FAR1: variants seen among roughly 807,000 people sequenced by gnomAD.
FAR1 encodes fatty acyl-CoA reductase 1.
FAR1 carries 22 observed loss-of-function variants against 61.1 expected under a neutral mutation model. That is an observed-to-expected ratio of 0.36 (90% CI 0.26 to 0.51). The LOEUF (loss-of-function observed/expected upper bound fraction) is 0.51. Among genes scored for constraint, FAR1 ranks in the 20% least tolerant of loss-of-function variants. The pLI, the probability that FAR1 is intolerant of heterozygous loss-of-function variation, is 0.95. For missense variants in FAR1, 359 were observed against 626.9 expected (o/e 0.57, Z 4.56); for synonymous variants, 206 against 209.7 (o/e 0.98, Z 0.15).
intron 3 of FAR1, among the ~76,000 whole-genome samples, chr11:13,706,612 T>A (rs1278638833): frequency 2.0e-5 from 3 of 152,202 alleles, no homozygotes; most frequent in Non-Finnish European, 4.4e-5. Context: ...TCTCACATAC[T>A]TTTTGTGGTG....
chr11:13,707,975 G>T lies in FAR1; in HGVS notation c.441G>T (p.Val147=). The T allele has an allele frequency of 6.2e-7, 1 of 1,609,460 alleles. No individual in the cohort carries two copies. The highest frequency in any genetic ancestry group is 8.5e-7 in the Non-Finnish European group (1 of 1,177,694). ...CACAACAAATGAAGAATCTGGAAGT[G>T]TTCATGCATGTATCAACAGCATATG... ...LLAQQMKNLE[V]FMHVSTAYAY... is the part of the protein sequence containing the mutation. The change falls in exon 4 of 12, where the codon GTG becomes GTT. Residue 147 remains valine, a synonymous_variant. Transcript: ENST00000354817.
intron 1 of FAR1, among the ~76,000 whole-genome samples, chr11:13,682,427 C>A (rs1054753325): frequency 1.3e-5 from 2 of 152,058 alleles, no homozygotes; most frequent in African/African-American, 4.8e-5. Context: ...GGAACACAGC[C>A]ACACCCATTC....
At chr11:13,671,202 T>G (rs1312918766) in intron 1 of FAR1, among the ~76,000 whole-genome samples, 1 of 151,882 alleles carries the variant, frequency 6.6e-6, no homozygotes, top group Non-Finnish European at 1.5e-5. Context: ...CTGAAAGAGG[T>G]GAGTTTTGAG....
rs1205357455 is a variant in FAR1 at position 13,714,645 on chromosome 11, T to C, written c.1092T>C (p.Tyr364=). 1.9e-6 allele frequency: 3 copies of C among 1,608,620 alleles called. No homozygotes were observed. In the East Asian group the frequency reaches 6.7e-5, roughly 36 times the overall value. The change falls in exon 9 of 12, where the codon TAT becomes TAC. Residue 364 remains tyrosine, a synonymous_variant. Transcript: ENST00000354817. ...AVSHKAPAFL[Y]DIYLRMTGRS... ...GCCATAAGGCCCCAGCATTCCTGTA[T>C]GATATCTACCTCAGGATGACTGGAA...
intron 3 of FAR1, among the ~76,000 whole-genome samples, chr11:13,707,588 A>T (rs895809233): frequency 3.3e-5 from 5 of 152,214 alleles, no homozygotes; most frequent in Non-Finnish European, 1.5e-5. Flanking sequence ...TAAGTCTAGC[A>T]TGACTTAAAA....
Position 13,721,760 on chromosome 11 carries a change from A to T in FAR1, c.1158A>T (p.Lys386Asn), listed in dbSNP as rs781428789. 1.2e-6 allele frequency: 2 copies of T among 1,611,388 alleles called. No individual in the cohort carries two copies. Among genetic ancestry groups the T allele is most frequent in the Non-Finnish European group, 1.7e-6 (2 of 1,178,664 alleles). Residue 386 changes from lysine to asparagine, a missense_variant, in exon 10 of 12, where the codon AAA becomes AAT. Lys to Asn is a moderately conservative substitution (Grantham distance 94). Around this residue, in one of 2 missense-constraint regions of FAR1, gnomAD observed 344 missense variants for 570.3 expected, o/e 0.60. Coordinates refer to ENST00000354817, the MANE Select transcript of FAR1 (RefSeq NM_032228.6). The surrounding 1 kb of genome is among the most constrained non-coding windows in gnomAD (Gnocchi z 4.2). ...TGAAAACAATAACTCGTCTTCACAA[A>T]GCTATGGTGTTTCTTGAATATTTCA... The part of the protein sequence containing the change: ...RMMKTITRLH[K>N]AMVFLEYFTS...
chr11:13,697,528 A>C (rs1453731695), intron 2 of FAR1, among the ~76,000 whole-genome samples: 1 of 152,158 alleles, frequency 6.6e-6, no homozygotes, highest in Non-Finnish European at 1.5e-5. Flanking sequence ...AAGGATATTA[A>C]AAAGGCATTA....
At chr11:13,690,006 G>A (rs758142443) in intron 1 of FAR1, among the ~76,000 whole-genome samples, 1 of 151,362 alleles carries the variant, frequency 6.6e-6, no homozygotes, top group African/African-American at 2.4e-5. Flanking sequence ...CTCCCAAGTC[G>A]CTGGGATTAA....
Position 13,717,990 on chromosome 11 carries a change from G to A in FAR1, c.1127+3310G>A, listed in dbSNP as rs1848573081. The stretch of plus-strand genomic sequence containing the variant: ...TTTCAAGGAATCCAGCCTATTAGAC[G>A]AAAGCCATACCCATAAGTTTCTTTG... On this transcript the variant is annotated intron_variant, in intron 9 of 11. Transcript: ENST00000354817. Among the ~76,000 whole-genome samples, 4 of 152,054 alleles carry A rather than the reference G, an allele frequency of 2.6e-5. No individual in the cohort carries two copies. The South Asian group carries it at 6.2e-4, about 24-fold the overall frequency.
At chr11:13,713,184 A>C (rs1848518409) in intron 8 of FAR1, 151 bp downstream of exon 8, 2 of 699,328 alleles carry the variant, frequency 2.9e-6, no homozygotes, top group Non-Finnish European at 5.1e-6. Flanking sequence ...ATCTACCAAT[A>C]CTACCTTGTG....
chr11:13,716,738 A>C (rs1473683111), intron 9 of FAR1, among the ~76,000 whole-genome samples: 1 of 152,132 alleles, frequency 6.6e-6, no homozygotes, highest in Non-Finnish European at 1.5e-5. Flanking sequence ...GTGAGTCACA[A>C]ATCTTCTTAA....
chr11:13,714,158 AAG>A (rs1243182489), intron 8 of FAR1, among the ~76,000 whole-genome samples: 1 of 152,166 alleles, frequency 6.6e-6, no homozygotes, highest in Non-Finnish European at 1.5e-5. Flanking sequence ...GTACAGTAAT[AAG>A]AGTCTGGAAA....
intron 9 of FAR1, among the ~76,000 whole-genome samples, chr11:13,719,396 T>C (rs1326846544): frequency 5.3e-5 from 8 of 152,180 alleles, no homozygotes; most frequent in Non-Finnish European, 1.2e-4. Flanking sequence ...TTTCATTTGT[T>C]CAGAAATTTA....
intron 10 of FAR1, among the ~76,000 whole-genome samples, chr11:13,722,982 G>T (rs188930676): frequency 6.6e-6 from 1 of 151,844 alleles, no homozygotes; most frequent in Non-Finnish European, 1.5e-5. Context: ...TGTTTTACTT[G>T]GGAATCTGTT....
At chr11:13,709,171 T>C (rs1848471675) in intron 4 of FAR1, among the ~76,000 whole-genome samples, 1 of 152,168 alleles carries the variant, frequency 6.6e-6, no homozygotes, top group African/African-American at 2.4e-5. Context: ...ACTGCTTAGT[T>C]AACATCTGCT....
At chr11:13,680,778 C>T (rs1434125645) in intron 1 of FAR1, among the ~76,000 whole-genome samples, 1 of 152,164 alleles carries the variant, frequency 6.6e-6, no homozygotes, top group Non-Finnish European at 1.5e-5. Flanking sequence ...CCAGGCCCCA[C>T]CTCCAACATT....
chr11:13,729,151 C>G lies in FAR1; in HGVS notation c.*377C>G, dbSNP rs1227355533. ...ATAGTGAATTTCTAATTCTAATGTT[C>G]AGTGCAATGGAAGACATTTATTTGG... On this transcript the variant is annotated 3_prime_UTR_variant, in exon 12 of 12. Coordinates refer to ENST00000354817, the MANE Select transcript of FAR1 (RefSeq NM_032228.6). 6.4e-6 allele frequency: 1 copy of G among 156,076 alleles called. No homozygotes were observed. Among genetic ancestry groups the G allele is most frequent in the East Asian group, 1.9e-4 (1 of 5,368 alleles). The allele number at this position is 156,076 out of a possible 1,614,324, so 9.7% of individuals were successfully genotyped here. A position where few individuals can be genotyped will look rare whatever the true frequency, so the allele number is the denominator to read the frequency against.
At chr11:13,720,953 T>G (rs1316415497) in intron 9 of FAR1, 2 of 152,092 alleles carry the variant, frequency 1.3e-5, no homozygotes, top group Non-Finnish European at 2.9e-5. Context: ...CAGTGAGCCA[T>G]GATATATAAA....
intron 3 of FAR1, among the ~76,000 whole-genome samples, chr11:13,707,446 T>G (rs1346085885): frequency 6.6e-6 from 1 of 152,186 alleles, no homozygotes; most frequent in African/African-American, 2.4e-5. Flanking sequence ...GTTTCTGAGT[T>G]TTCTCTGGCT....
Sources: gnomAD v4.1 joint callset for allele counts (sites outside exome capture counted in the v4.1 genomes callset) on GRCh38, gnomAD v4.1.1 for gene constraint, gnomAD v4.1.1 regional missense constraint, Gnocchi (gnomAD v3.1) non-coding constraint, MANE v1.5 for transcripts, NCBI Gene and HGNC (gene_info 2026-07-23, HGNC 2026-07-21) for gene names.